Variants in SLIT2 observed in about 807,000 individuals in gnomAD.
SLIT2 encodes slit homolog 2 protein.
In SLIT2, 41 loss-of-function variants were observed where a neutral mutation model predicts 185.7. The ratio of observed to expected loss-of-function variants is 0.22; its 90% confidence interval spans 0.17 to 0.29. SLIT2 has a LOEUF of 0.29. Among genes scored for constraint, SLIT2 ranks in the 10% least tolerant of loss-of-function variants. The pLI is 1.00. For synonymous variants in SLIT2, 693 were observed against 680.2 expected (o/e 1.02, Z -0.29); for missense variants, 1,571 against 1,909.0 (o/e 0.82, Z 3.30).
chr4:20,475,218 C>A (rs979400637), intron 5 of SLIT2, among the ~76,000 whole-genome samples: 6 of 152,006 alleles, frequency 3.9e-5, no homozygotes, highest in South Asian at 4.2e-4. Flanking sequence ...CCTCTGCTCA[C>A]AACTCTTCTT....
chr4:20,522,285 C>A (rs1207246203), intron 12 of SLIT2, among the ~76,000 whole-genome samples: 2 of 152,086 alleles, frequency 1.3e-5, no homozygotes, highest in African/African-American at 4.8e-5. Context: ...GCATTAGGCC[C>A]AGCACCCCTT....
At chr4:20,428,533 AC>A (rs1240639487) in intron 4 of SLIT2, among the ~76,000 whole-genome samples, 6 of 152,146 alleles carry the variant, frequency 3.9e-5, no homozygotes, top group African/African-American at 1.4e-4. Flanking sequence ...GCCGAGATAT[AC>A]TTATTATATA....
intron 4 of SLIT2, among the ~76,000 whole-genome samples, chr4:20,434,684 T>C (rs529135213): frequency 3.9e-5 from 6 of 152,222 alleles, no homozygotes; most frequent in African/African-American, 1.4e-4. Context: ...ACTGGCAAGA[T>C]ATAAGTGGAA....
At chr4:20,344,257 C>T (rs1043091871) in intron 4 of SLIT2, among the ~76,000 whole-genome samples, 1 of 152,090 alleles carries the variant, frequency 6.6e-6, no homozygotes, top group Non-Finnish European at 1.5e-5. Context: ...GACAGATACC[C>T]CTCTGATAAA....
At chr4:20,396,896 ATTATAT>A (rs1437548225) in intron 4 of SLIT2, among the ~76,000 whole-genome samples, 4 of 128,678 alleles carry the variant, frequency 3.1e-5, no homozygotes, top group Non-Finnish European at 5.6e-5. Flanking sequence ...AAATACATAA[ATTATAT>A]TTATATTTGT....
rs368594505 is a variant in SLIT2 at position 20,472,430 on chromosome 4, ATC to A, written c.467+4609_467+4610del. ...TATCTATATATCTATATATATAGAT[ATC>A]TATAGATATATATCTATATAGATAT... is the stretch of plus-strand genomic sequence containing the variant. On this transcript the variant is annotated intron_variant, in intron 5 of 36. Transcript: ENST00000504154. Among the ~76,000 whole-genome samples the A allele has an allele frequency of 3.9e-4, 13 of 33,514 alleles. 1 individual carries two copies. The highest frequency in any genetic ancestry group is 2.3e-3 in the East Asian group (2 of 868). 22.0% of individuals were successfully genotyped at this position (33,514 alleles called of 152,430 possible).
At position 20,472,025 on chromosome 4, in the gene SLIT2, G is replaced by T. The variant is rs1577721109; in HGVS notation, c.467+4202G>T. 2.6e-5 allele frequency among the ~76,000 whole-genome samples: 4 copies of T among 151,174 alleles called. No homozygotes were observed. The Admixed American group carries it at 2.7e-4, about 10-fold the overall frequency. Reference sequence around the variant, plus strand: ...TGAGATATGCTGTGAGAATAGCAAGGTCATATGAAAATATCAACTAAATTA... The same window carrying T: ...TGAGATATGCTGTGAGAATAGCAAGTTCATATGAAAATATCAACTAAATTA... On this transcript the variant is annotated intron_variant, in intron 5 of 36. Coordinates refer to ENST00000504154, the MANE Select transcript of SLIT2 (RefSeq NM_004787.4).
At chr4:20,418,142 T>C (rs930778156) in intron 4 of SLIT2, among the ~76,000 whole-genome samples, 1 of 152,194 alleles carries the variant, frequency 6.6e-6, no homozygotes, top group Non-Finnish European at 1.5e-5. Flanking sequence ...TGGATGACTC[T>C]GTACATAGGA....
chr4:20,514,470 G>C (rs562522895), intron 11 of SLIT2, among the ~76,000 whole-genome samples: 1 of 151,914 alleles, frequency 6.6e-6, no homozygotes, highest in Non-Finnish European at 1.5e-5. Flanking sequence ...GTGAAACCCC[G>C]TCTCTACTGA....
At chr4:20,478,994 T>C (rs1716414291) in intron 5 of SLIT2, among the ~76,000 whole-genome samples, 1 of 152,198 alleles carries the variant, frequency 6.6e-6, no homozygotes, top group East Asian at 1.9e-4. Context: ...GCATTATGTC[T>C]TAATAAGTAG....
chr4:20,571,308 G>T (rs1000106195), intron 29 of SLIT2, among the ~76,000 whole-genome samples: 6 of 152,150 alleles, frequency 3.9e-5, no homozygotes, highest in African/African-American at 1.4e-4. Flanking sequence ...ATACTAAACA[G>T]AAAGTGCATG....
intron 12 of SLIT2, among the ~76,000 whole-genome samples, chr4:20,520,544 T>G (rs1014347250): frequency 1.3e-5 from 2 of 152,206 alleles, no homozygotes; most frequent in Admixed American, 1.3e-4. Context: ...TGGCATTTAT[T>G]TGGTAACGAT....
chr4:20,444,500 G>A (rs1003665894), intron 4 of SLIT2, among the ~76,000 whole-genome samples: 11 of 152,072 alleles, frequency 7.2e-5, no homozygotes, highest in African/African-American at 2.7e-4. Context: ...CCAGGCTTAG[G>A]GGTCACACAA....
intron 4 of SLIT2, among the ~76,000 whole-genome samples, chr4:20,286,832 C>A (rs1715317756): frequency 1.3e-5 from 2 of 152,000 alleles, no homozygotes; most frequent in Non-Finnish European, 2.9e-5. Context: ...AGATCACGTC[C>A]CTTGCCCAAA....
At chr4:20,348,723 A>C (rs1461828529) in intron 4 of SLIT2, among the ~76,000 whole-genome samples, 4 of 152,212 alleles carry the variant, frequency 2.6e-5, no homozygotes, top group Non-Finnish European at 5.9e-5. Flanking sequence ...TCTGTCATTA[A>C]GAGTTCGTTT....
At chr4:20,496,389 A>T (rs907984048) in intron 9 of SLIT2, among the ~76,000 whole-genome samples, 2 of 152,232 alleles carry the variant, frequency 1.3e-5, no homozygotes, top group Admixed American at 1.3e-4. Flanking sequence ...GTTGGATTGC[A>T]GTTGGATCGC....
At chr4:20,261,382 A>G (rs1712455527) in intron 3 of SLIT2, among the ~76,000 whole-genome samples, 1 of 151,918 alleles carries the variant, frequency 6.6e-6, no homozygotes, top group Admixed American at 6.6e-5. Context: ...ATACCTGTGT[A>G]TATCTGCAAT....
intron 25 of SLIT2, among the ~76,000 whole-genome samples, chr4:20,552,894 G>T (rs1306681674): frequency 6.6e-6 from 1 of 152,120 alleles, no homozygotes; most frequent in Non-Finnish European, 1.5e-5. Context: ...TTCTTAATCT[G>T]TAAAGTCAAT....
intron 4 of SLIT2, among the ~76,000 whole-genome samples, chr4:20,403,094 T>C (rs1023235130): frequency 1.3e-5 from 2 of 151,900 alleles, no homozygotes; most frequent in African/African-American, 4.8e-5. Flanking sequence ...TTTGGCTCTA[T>C]TTAATCTTTT....
Sources: gnomAD v4.1 joint callset for allele counts (sites outside exome capture counted in the v4.1 genomes callset) on GRCh38, gnomAD v4.1.1 for gene constraint, MANE v1.5 for transcripts, NCBI Gene and HGNC (gene_info 2026-07-23, HGNC 2026-07-21) for gene names.